The following PRKCE variants were observed in gnomAD, a reference collection of about 807,000 sequenced individuals.
The protein encoded by PRKCE is protein kinase C epsilon type.
PRKCE carries 16 observed loss-of-function variants against 85.4 expected under a neutral mutation model. The observed-to-expected ratio is 0.19, with a 90% CI of 0.13 to 0.28. PRKCE has a LOEUF of 0.28. Ranked by LOEUF, PRKCE falls within the 10% of genes least tolerant of loss-of-function variation. PRKCE has a pLI of 1.00. For synonymous variants in PRKCE, 388 were observed against 371.5 expected (o/e 1.04, Z -0.51); for missense variants, 573 against 975.2 (o/e 0.59, Z 5.49).
At chr2:45,764,777 A>G (rs1684779046) in intron 1 of PRKCE, among the ~76,000 whole-genome samples, 1 of 152,204 alleles carries the variant, frequency 6.6e-6, no homozygotes, top group Admixed American at 6.5e-5. Context: ...GAGCTTGGAA[A>G]TTGCCATTCA....
chr2:45,805,689 C>T (rs760604632), intron 1 of PRKCE, among the ~76,000 whole-genome samples: 4 of 151,944 alleles, frequency 2.6e-5, no homozygotes, highest in African/African-American at 2.4e-5. Flanking sequence ...CTCCGCCTCC[C>T]GGGTTAAAGT....
At chr2:45,884,970 TA>T (rs1558792808) in intron 2 of PRKCE, among the ~76,000 whole-genome samples, 11 of 61,680 alleles carry the variant, frequency 1.8e-4, no homozygotes, top group African/African-American at 4.3e-4. Flanking sequence ...TATATATATA[TA>T]TATATATATA....
intron 10 of PRKCE, among the ~76,000 whole-genome samples, chr2:46,021,721 G>A (rs1174863276): frequency 6.6e-6 from 1 of 152,142 alleles, no homozygotes; most frequent in Non-Finnish European, 1.5e-5. Context: ...AAAACTAGAG[G>A]TCTAAGTTAT....
At chr2:46,055,576 ATTC>A (rs1342141609) in intron 10 of PRKCE, among the ~76,000 whole-genome samples, 3 of 152,180 alleles carry the variant, frequency 2.0e-5, no homozygotes, top group Non-Finnish European at 4.4e-5. Flanking sequence ...CAGATAGAAA[ATTC>A]TTCTTTTTGA....
intron 2 of PRKCE, among the ~76,000 whole-genome samples, chr2:45,946,628 A>G (rs1308315665): frequency 6.6e-6 from 1 of 152,176 alleles, no homozygotes; most frequent in African/African-American, 2.4e-5. Context: ...ATAGCCAGTT[A>G]TAGGAAGTTT....
chr2:45,950,032 C>G (rs1700520631), intron 2 of PRKCE, among the ~76,000 whole-genome samples: 1 of 152,042 alleles, frequency 6.6e-6, no homozygotes, highest in Non-Finnish European at 1.5e-5. Context: ...GTTGAAAATG[C>G]ATTAATTTTT....
At chr2:45,719,658 C>T (rs1187285161) in intron 1 of PRKCE, among the ~76,000 whole-genome samples, 1 of 152,134 alleles carries the variant, frequency 6.6e-6, no homozygotes, top group Admixed American at 6.6e-5. Flanking sequence ...GCTATGTAGC[C>T]GTAAAACACA....
intron 10 of PRKCE, among the ~76,000 whole-genome samples, chr2:46,070,786 G>T (rs1170514303): frequency 1.3e-5 from 2 of 152,190 alleles, no homozygotes; most frequent in Non-Finnish European, 2.9e-5. Context: ...CTACTTACTA[G>T]TTCCATGGCC....
chr2:45,990,673 GA>G (rs1423846837), intron 6 of PRKCE, among the ~76,000 whole-genome samples: 1 of 100,178 alleles, frequency 1.0e-5, no homozygotes, highest in African/African-American at 3.9e-5. Flanking sequence ...TTTTTTTTTT[GA>G]GATGGAGTCT....
chr2:46,110,068 T>A (rs1278865385), intron 11 of PRKCE, among the ~76,000 whole-genome samples: 3 of 152,178 alleles, frequency 2.0e-5, no homozygotes, highest in Non-Finnish European at 4.4e-5. Context: ...GGTATATAAT[T>A]CTTTTTACAC....
At chr2:46,182,303 C>T (rs533336374) in intron 14 of PRKCE, among the ~76,000 whole-genome samples, 1 of 152,170 alleles carries the variant, frequency 6.6e-6, no homozygotes, top group African/African-American at 2.4e-5. Context: ...GTCGCCACAC[C>T]CTTTGCCCAG....
chr2:46,184,541 C>T lies in PRKCE; in HGVS notation c.2068-194C>T, dbSNP rs1680308400. On this transcript the variant is annotated intron_variant, in intron 14 of 14. Coordinates refer to ENST00000306156, the MANE Select transcript of PRKCE (RefSeq NM_005400.3). This position sits in a 1 kb window ranked among gnomAD's most constrained non-coding sequence, Gnocchi z 5.0. ...TCCTTCTCACCTTGACTCATTCTTC[C>T]TCTCCTCGTCTCTCACCTCCGGGTC... is the stretch of plus-strand genomic sequence containing the variant. Among the ~76,000 whole-genome samples, 1 of 152,164 alleles carries T rather than the reference C, an allele frequency of 6.6e-6. No individual in the cohort carries two copies. The highest frequency in any genetic ancestry group is 1.5e-5 in the Non-Finnish European group (1 of 68,038).
At chr2:46,048,980 C>G (rs561573652) in intron 10 of PRKCE, among the ~76,000 whole-genome samples, 4 of 150,054 alleles carry the variant, frequency 2.7e-5, no homozygotes, top group African/African-American at 9.8e-5. Context: ...CTCCATCTGA[C>G]CTACACAGGA....
chr2:46,125,534 C>T (rs923437753), intron 11 of PRKCE, among the ~76,000 whole-genome samples: 9 of 152,140 alleles, frequency 5.9e-5, no homozygotes, highest in South Asian at 2.1e-4. Flanking sequence ...GGAGGATGGT[C>T]GGTTTCCTAG....
At chr2:46,132,505 C>A (rs1230474280) in intron 11 of PRKCE, among the ~76,000 whole-genome samples, 1 of 152,124 alleles carries the variant, frequency 6.6e-6, no homozygotes, top group Non-Finnish European at 1.5e-5. Context: ...TGGAGGCTGT[C>A]TTTATCTCTA....
At chr2:46,029,196 A>G (rs1406818399) in intron 10 of PRKCE, among the ~76,000 whole-genome samples, 3 of 152,150 alleles carry the variant, frequency 2.0e-5, no homozygotes, top group African/African-American at 4.8e-5. Context: ...AATAGTCCTG[A>G]GAGGTGGATA....
intron 14 of PRKCE, among the ~76,000 whole-genome samples, chr2:46,181,067 C>T (rs1454716877): frequency 1.3e-5 from 2 of 152,190 alleles, no homozygotes; most frequent in Non-Finnish European, 2.9e-5. Flanking sequence ...TCAGGATAAA[C>T]AAGTGTCTCT....
At chr2:46,149,948 C>A (rs2104516908) in intron 12 of PRKCE, among the ~76,000 whole-genome samples, 1 of 151,842 alleles carries the variant, frequency 6.6e-6, no homozygotes, top group East Asian at 1.9e-4. Flanking sequence ...CCTCAAACTC[C>A]CGGGCTCAAG....
At chr2:45,872,655 T>C (rs1349511840) in intron 2 of PRKCE, among the ~76,000 whole-genome samples, 4 of 152,198 alleles carry the variant, frequency 2.6e-5, no homozygotes, top group East Asian at 1.9e-4. Flanking sequence ...GGAATCTTAC[T>C]GACATGCCAG....
Sources: allele counts gnomAD v4.1 joint callset (sites outside exome capture counted in the v4.1 genomes callset), GRCh38; gene constraint gnomAD v4.1.1; non-coding constraint Gnocchi (gnomAD v3.1); transcripts MANE v1.5; gene names NCBI Gene and HGNC (gene_info 2026-07-23, HGNC 2026-07-21).